Variants in IARS2 observed in about 807,000 individuals in gnomAD.
The protein encoded by IARS2 is isoleucine--tRNA ligase, mitochondrial.
In IARS2, 56 loss-of-function variants were observed where a neutral mutation model predicts 126.3. That is an observed-to-expected ratio of 0.44 (90% CI 0.36 to 0.55). The LOEUF (loss-of-function observed/expected upper bound fraction) is 0.55, where lower values mean the gene tolerates loss of function less well. Among genes scored for constraint, IARS2 ranks in the 20% least tolerant of loss-of-function variants. The pLI is 0.00. For missense variants in IARS2, 1,127 were observed against 1,245.9 expected (o/e 0.90, Z 1.44); for synonymous variants, 407 against 441.1 (o/e 0.92, Z 0.97).
At position 220,114,426 on chromosome 1, in the gene IARS2, C is replaced by T; in HGVS notation, c.1592C>T (p.Pro531Leu). The T allele has an allele frequency of 6.2e-7, 1 of 1,613,836 alleles. No individual in the cohort carries two copies. Among genetic ancestry groups the T allele is most frequent in the Non-Finnish European group, 8.5e-7 (1 of 1,179,836 alleles). ...CISRQRVWGVPIPVFHHKTKD... is the reference protein window; with the variant it reads ...CISRQRVWGVLIPVFHHKTKD... ...TCAAGGCAAAGAGTTTGGGGTGTTC[C>T]AATTCCTGTGTTTCATCATAAGACC... is the stretch of plus-strand genomic sequence containing the variant. The change falls in exon 12 of 23, where the codon CCA becomes CTA. Residue 531 changes from proline to leucine, a missense_variant. Coordinates refer to ENST00000366922, the MANE Select transcript of IARS2 (RefSeq NM_018060.4).
intron 2 of IARS2, among the ~76,000 whole-genome samples, chr1:220,097,240 A>G (rs1389949886): frequency 6.6e-6 from 1 of 151,882 alleles, no homozygotes; most frequent in East Asian, 1.9e-4. Context: ...CATAAAATTA[A>G]GAATTGGTTT....
At chr1:220,124,397 A>G (rs1657110231) in intron 12 of IARS2, among the ~76,000 whole-genome samples, 1 of 152,136 alleles carries the variant, frequency 6.6e-6, no homozygotes, top group South Asian at 2.1e-4. Flanking sequence ...AGTCTCATTT[A>G]GTTTGTAGTT....
At chr1:220,122,773 CTT>C (rs1172552872) in intron 12 of IARS2, among the ~76,000 whole-genome samples, 1 of 152,126 alleles carries the variant, frequency 6.6e-6, no homozygotes, top group Non-Finnish European at 1.5e-5. Flanking sequence ...ATAAAATACT[CTT>C]TATCCTAACA....
chr1:220,137,750 G>T (rs1657403794), intron 16 of IARS2, 168 bp from the exon 17 acceptor site: 9 of 670,044 alleles, frequency 1.3e-5, no homozygotes, highest in Non-Finnish European at 2.2e-5. Flanking sequence ...TTTGTTTTTA[G>T]ATACAGTCTA....
At chr1:220,115,021 T>C (rs996164287) in intron 12 of IARS2, among the ~76,000 whole-genome samples, 1 of 151,942 alleles carries the variant, frequency 6.6e-6, no homozygotes, top group African/African-American at 2.4e-5. Flanking sequence ...CACTGAAAAG[T>C]AGGCTTTTTC....
intron 17 of IARS2, 123 bp downstream of exon 17, chr1:220,138,166 T>A: frequency 8.7e-7 from 1 of 1,144,370 alleles, no homozygotes; most frequent in Non-Finnish European, 1.3e-6. Flanking sequence ...TCATTTATTG[T>A]GAGATTTTAA....
At chr1:220,095,352 C>G (rs1656416775) in intron 1 of IARS2, among the ~76,000 whole-genome samples, 1 of 152,170 alleles carries the variant, frequency 6.6e-6, no homozygotes, top group African/African-American at 2.4e-5. Flanking sequence ...TCTGAACTTT[C>G]TAAGAGCAGA....
At chr1:220,094,909 G>A (rs1656405401) in intron 1 of IARS2, among the ~76,000 whole-genome samples, 1 of 151,988 alleles carries the variant, frequency 6.6e-6, no homozygotes, top group African/African-American at 2.4e-5. Context: ...AGGCCAAGGC[G>A]GGAGAATCGC....
Position 220,147,281 on chromosome 1 carries a change from C to T in IARS2, c.2897-212C>T, listed in dbSNP as rs116319760. ...GAGATGTCAGTTAATCTCAGAGTCA[C>T]GGGGTCTCTAATTCCTCAGCTCCCT... On this transcript the variant is annotated intron_variant, in intron 22 of 22. Coordinates refer to ENST00000366922, the MANE Select transcript of IARS2 (RefSeq NM_018060.4). Among the ~76,000 whole-genome samples, 1,687 of 152,142 alleles carry T rather than the reference C, an allele frequency of 0.011. 17 individuals are homozygous for T. Among genetic ancestry groups the T allele is most frequent in the Non-Finnish European group, 0.016 (1,100 of 68,008 alleles).
At chr1:220,133,466 AT>A (rs1164881784) in intron 14 of IARS2, among the ~76,000 whole-genome samples, 1 of 152,150 alleles carries the variant, frequency 6.6e-6, no homozygotes, top group Non-Finnish European at 1.5e-5. Flanking sequence ...AGTTATTTAA[AT>A]TTTGTTTCCC....
At chr1:220,111,596 A>ATGTGTGTG (rs1348774206) in intron 11 of IARS2, among the ~76,000 whole-genome samples, 1 of 133,318 alleles carries the variant, frequency 7.5e-6, no homozygotes, top group Non-Finnish European at 1.6e-5. Context: ...ATATATATAT[A>ATGTGTGTG]TATGTGTGTG....
Position 220,140,416 on chromosome 1 carries a change from G to A in IARS2, c.2414+127G>A, listed in dbSNP as rs1407414149. 4 of 598,864 alleles carry A rather than the reference G, an allele frequency of 6.7e-6. No individual in the cohort carries two copies. In the South Asian group the frequency reaches 8.0e-5, roughly 12 times the overall value. The allele number at this position is 598,864 out of a possible 1,614,324, so 37.1% of individuals were successfully genotyped here. A position where few individuals can be genotyped will look rare whatever the true frequency, so the allele number is the denominator to read the frequency against. On this transcript the variant is annotated intron_variant, in intron 19 of 22. Coordinates refer to ENST00000366922, the MANE Select transcript of IARS2 (RefSeq NM_018060.4). ...AGGCCAGGAGTTCGAGACCAGTATG[G>A]CAAAATACAAAAATTAGCCGGGCAT...
intron 2 of IARS2, among the ~76,000 whole-genome samples, chr1:220,097,935 C>T (rs1421554757): frequency 6.6e-6 from 1 of 151,284 alleles, no homozygotes; most frequent in African/African-American, 2.4e-5. Context: ...AGTGCAGTGG[C>T]GCAGTCTCGG....
At chr1:220,120,688 T>C (rs1558125847) in intron 12 of IARS2, among the ~76,000 whole-genome samples, 1 of 152,180 alleles carries the variant, frequency 6.6e-6, no homozygotes, top group Non-Finnish European at 1.5e-5. Flanking sequence ...AATTAATTTA[T>C]TCAATTGACA....
At chr1:220,133,253 G>C (rs1336525331) in intron 14 of IARS2, among the ~76,000 whole-genome samples, 1 of 151,944 alleles carries the variant, frequency 6.6e-6, no homozygotes, top group Non-Finnish European at 1.5e-5. Context: ...GGATTTGCCA[G>C]CCTCCACCTC....
intron 9 of IARS2, among the ~76,000 whole-genome samples, chr1:220,106,744 T>A (rs915687758): frequency 6.6e-6 from 1 of 151,848 alleles, no homozygotes; most frequent in Non-Finnish European, 1.5e-5. Context: ...GCGATTCTCC[T>A]GCCTCAGCCT....
intron 21 of IARS2, among the ~76,000 whole-genome samples, chr1:220,143,532 C>A (rs1185494201): frequency 6.6e-6 from 1 of 151,992 alleles, no homozygotes; most frequent in African/African-American, 2.4e-5. Context: ...AGTTCTGTTT[C>A]AAACAAAAGG....
chr1:220,102,301 G>C, intron 4 of IARS2, 24 bp downstream of exon 4: 1 of 1,602,818 alleles, frequency 6.2e-7, no homozygotes. Flanking sequence ...TTTTCTCTTT[G>C]AGTAGGTTTT....
chr1:220,132,074 G>T (rs1657281904), intron 14 of IARS2, among the ~76,000 whole-genome samples: 1 of 152,122 alleles, frequency 6.6e-6, no homozygotes. Flanking sequence ...GGTATTACAG[G>T]CATGAGCTAC....
Sources: allele counts gnomAD v4.1 joint callset (sites outside exome capture counted in the v4.1 genomes callset), GRCh38; gene constraint gnomAD v4.1.1; transcripts MANE v1.5; gene names NCBI Gene and HGNC (gene_info 2026-07-23, HGNC 2026-07-21).